FRMD6: variants seen among roughly 807,000 people sequenced by gnomAD.
FRMD6 encodes the protein FERM domain containing 6.
In FRMD6, 37 loss-of-function variants were observed where a neutral mutation model predicts 73.2. The observed-to-expected ratio is 0.51, with a 90% confidence interval of 0.39 to 0.66. The LOEUF (loss-of-function observed/expected upper bound fraction) is 0.66. Among genes scored for constraint, FRMD6 ranks in the 30% least tolerant of loss-of-function variants. FRMD6 has a pLI of 0.00. For synonymous variants in FRMD6, 273 were observed against 282.2 expected, an observed-to-expected ratio of 0.97 and a Z score of 0.33; for missense variants, 714 against 780.5, an observed-to-expected ratio of 0.91 and a Z score of 1.02.
In FRMD6 at chr14:51,508,057, G is replaced by A. The variant is rs534118238; in HGVS notation, c.-210+18637G>A. ...TGAGCGTGCCCACTCAGGCTCCATC[G>A]CAGACCCTGCAGCCAGCTACTCCCC... On this transcript the variant is annotated intron_variant, in intron 1 of 14. Transcript: ENST00000356218. Among the ~76,000 whole-genome samples the A allele has an allele frequency of 3.0e-4, 45 of 152,138 alleles. No homozygotes were observed. The South Asian group carries it at 8.1e-3, about 27-fold the overall frequency.
At chr14:51,637,465 G>GCGCGCGCACACA (rs377260843) in intron 2 of FRMD6, 2 of 132,566 alleles carry the variant, frequency 1.5e-5, no homozygotes, top group Non-Finnish European at 1.6e-5. Flanking sequence ...ATACACACAG[G>GCGCGCGCACACA]CACACACACA....
the FRMD6 span, among the ~76,000 whole-genome samples, chr14:51,398,128 A>G: frequency 6.6e-6 from 1 of 152,356 alleles, no homozygotes; most frequent in African/African-American, 2.4e-5. Context: ...ATACAAAAAA[A>G]TTATAAAAGT....
chr14:51,617,563 C>A (rs1890763531), intron 2 of FRMD6, among the ~76,000 whole-genome samples: 1 of 152,072 alleles, frequency 6.6e-6, no homozygotes, highest in Non-Finnish European at 1.5e-5. Flanking sequence ...TGTTTGAGAC[C>A]TTGGGCAAAT....
the FRMD6 span, among the ~76,000 whole-genome samples, chr14:51,467,469 T>A: frequency 5.9e-5 from 9 of 152,250 alleles, no homozygotes; most frequent in Non-Finnish European, 2.9e-5. Flanking sequence ...CTGTTCTCAA[T>A]GAGCTGTTGG....
chr14:51,454,093 C>T, the FRMD6 span, among the ~76,000 whole-genome samples: 4 of 152,318 alleles, frequency 2.6e-5, no homozygotes, highest in East Asian at 1.9e-4. Flanking sequence ...GGCCTCTATA[C>T]GCTGCCTCCG....
chr14:51,663,856 C>T (rs993003790), intron 1 of FRMD6, among the ~76,000 whole-genome samples: 3 of 152,162 alleles, frequency 2.0e-5, no homozygotes, highest in African/African-American at 7.2e-5. Flanking sequence ...TGGTGGAATG[C>T]GGAAGCAAGG....
At chr14:51,601,690 G>A (rs1249892396) in intron 2 of FRMD6, among the ~76,000 whole-genome samples, 2 of 152,116 alleles carry the variant, frequency 1.3e-5, no homozygotes, top group Non-Finnish European at 1.5e-5. Flanking sequence ...TGGATAAAAG[G>A]CTTAAGACCC....
At chr14:51,708,386 G>C in intron 7 of FRMD6, 153 bp downstream of exon 7, 1 of 735,978 alleles carries the variant, frequency 1.4e-6, no homozygotes, top group Non-Finnish European at 2.1e-6. Flanking sequence ...TTTTGTTATC[G>C]CACGTCAGTC....
intron 1 of FRMD6, among the ~76,000 whole-genome samples, chr14:51,512,661 G>A (rs1298889535): frequency 1.3e-5 from 2 of 151,984 alleles, no homozygotes. Flanking sequence ...TAAAGTCTGG[G>A]ACACAGCACA....
intron 1 of FRMD6, among the ~76,000 whole-genome samples, chr14:51,491,051 A>G (rs1282316079): frequency 1.3e-5 from 2 of 152,260 alleles, no homozygotes; most frequent in Admixed American, 1.3e-4. Context: ...CTGGGAATGA[A>G]GTTGAATGGG....
At chr14:51,663,255 C>A (rs1893351463) in intron 1 of FRMD6, among the ~76,000 whole-genome samples, 1 of 152,120 alleles carries the variant, frequency 6.6e-6, no homozygotes, top group Admixed American at 6.5e-5. Flanking sequence ...CTCAGCAATC[C>A]CTACTGGGTA....
chr14:51,592,721 G>C (rs1188678050), intron 2 of FRMD6, among the ~76,000 whole-genome samples: 1 of 152,108 alleles, frequency 6.6e-6, no homozygotes, highest in Non-Finnish European at 1.5e-5. Flanking sequence ...TTCAGCCTTA[G>C]AGCCTTAACA....
chr14:51,657,821 C>G (rs1031679819), intron 1 of FRMD6, among the ~76,000 whole-genome samples: 1 of 151,898 alleles, frequency 6.6e-6, no homozygotes, highest in Non-Finnish European at 1.5e-5. Context: ...TGGAATATAC[C>G]AACTAGATAT....
chr14:51,657,793 T>C (rs916135832), intron 1 of FRMD6, among the ~76,000 whole-genome samples: 10 of 152,224 alleles, frequency 6.6e-5, no homozygotes, highest in Non-Finnish European at 1.5e-4. Context: ...TCAGCCACTG[T>C]ATCCTAAGGA....
At chr14:51,467,011 G>A in the FRMD6 span, among the ~76,000 whole-genome samples, 2 of 151,008 alleles carry the variant, frequency 1.3e-5, no homozygotes, top group African/African-American at 2.4e-5. Context: ...GGTGTTTCTC[G>A]TAGAGGGGGA....
chr14:51,649,345 G>T (rs145608392), upstream of FRMD6, among the ~76,000 whole-genome samples: 49 of 152,028 alleles, frequency 3.2e-4, no homozygotes, highest in African/African-American at 1.2e-3. Context: ...TATAATTCTG[G>T]ACAACAAGCC....
chr14:51,652,310 G>A lies in FRMD6; in HGVS notation c.-147+314G>A, dbSNP rs78035655. The A allele has an allele frequency of 8.1e-3, 1,234 of 152,932 alleles. 7 individuals carry two copies. Among genetic ancestry groups the A allele is most frequent in the Non-Finnish European group, 0.012 (853 of 68,570 alleles). The allele number at this position is 152,932 out of a possible 1,614,324, so 9.5% of individuals were successfully genotyped here. A position where few individuals can be genotyped will look rare whatever the true frequency, so the allele number is the denominator to read the frequency against. On this transcript the variant is annotated intron_variant, in intron 1 of 13. Transcript: ENST00000344768. ...CCGAGCCCGGCAGCGGGGGAGGCGT[G>A]GAGCTCGGGGCGGCTTCAGCGGCGG...
intron 2 of FRMD6, among the ~76,000 whole-genome samples, chr14:51,629,510 T>A (rs1020374548): frequency 3.3e-5 from 5 of 152,210 alleles, no homozygotes; most frequent in Non-Finnish European, 7.3e-5. Flanking sequence ...TTGTTCCACA[T>A]CCTTGTCAAC....
the FRMD6 span, among the ~76,000 whole-genome samples, chr14:51,457,620 A>C: frequency 6.6e-6 from 1 of 152,346 alleles, no homozygotes; most frequent in East Asian, 1.9e-4. Flanking sequence ...AAGATGCCCC[A>C]GTTATACAAG....
Sources: gnomAD v4.1 joint callset for allele counts (sites outside exome capture counted in the v4.1 genomes callset) on GRCh38, gnomAD v4.1.1 for gene constraint, MANE v1.5 for transcripts, NCBI Gene and HGNC (gene_info 2026-07-23, HGNC 2026-07-21) for gene names.